The following MAPK8 variants were observed in gnomAD, a reference collection of about 807,000 sequenced individuals.
The protein encoded by MAPK8 is JUN N-terminal kinase.
A neutral mutation model predicts 52.9 loss-of-function variants in MAPK8; 13 were observed. The observed-to-expected ratio is 0.25, with a 90% CI of 0.16 to 0.39. The LOEUF (loss-of-function observed/expected upper bound fraction) is 0.39. Among genes scored for constraint, MAPK8 ranks in the 10% least tolerant of loss-of-function variants. MAPK8 has a pLI of 1.00. For missense variants in MAPK8, 300 were observed against 519.2 expected (o/e 0.58, Z 4.10); for synonymous variants, 191 against 169.8 (o/e 1.12, Z -0.97).
intron 1 of MAPK8, among the ~76,000 whole-genome samples, chr10:48,341,905 T>G (rs1414337074): frequency 6.6e-6 from 1 of 152,150 alleles, no homozygotes; most frequent in Non-Finnish European, 1.5e-5. Flanking sequence ...AGTAGAACAT[T>G]TGCACAGCAA....
chr10:48,373,335 G>GT (rs767323662), intron 1 of MAPK8, among the ~76,000 whole-genome samples: 4 of 151,720 alleles, frequency 2.6e-5, no homozygotes, highest in Non-Finnish European at 5.9e-5. Flanking sequence ...CAACTAATGG[G>GT]CAAAATAACC....
chr10:48,343,331 G>A (rs1473921483), intron 1 of MAPK8, among the ~76,000 whole-genome samples: 1 of 152,038 alleles, frequency 6.6e-6, no homozygotes, highest in Non-Finnish European at 1.5e-5. Flanking sequence ...CTGCCTACAC[G>A]GTCAGATTGC....
chr10:48,380,994 A>C (rs1169380693), intron 1 of MAPK8, among the ~76,000 whole-genome samples: 1 of 152,180 alleles, frequency 6.6e-6, no homozygotes, highest in African/African-American at 2.4e-5. Context: ...TAAAGGCAGC[A>C]TGAGCTCAAG....
At chr10:48,432,463 G>A (rs1351890098) in intron 11 of MAPK8, among the ~76,000 whole-genome samples, 3 of 151,288 alleles carry the variant, frequency 2.0e-5, no homozygotes, top group Admixed American at 2.0e-4. Context: ...GGTTTTGACC[G>A]CTTTTACCTA....
rs566237870 is a variant in MAPK8, at chr10:48,401,871, A to G, written c.122+89A>G. 3 of 1,106,508 alleles carry G rather than the reference A, an allele frequency of 2.7e-6. No individual in the cohort carries two copies. In the South Asian group the frequency reaches 8.3e-5, roughly 30 times the overall value. 68.5% of individuals were successfully genotyped at this position (1,106,508 alleles called of 1,614,324 possible). On this transcript the variant is annotated intron_variant, in intron 2 of 11. Coordinates refer to ENST00000374189, the MANE Select transcript of MAPK8 (RefSeq NM_001323329.2). ...ATTTAGATACCTTGGCAAATATTTA[A>G]CTTGCTTTGAAAAATTAAATTAAAA...
rs1464337466 is a variant in MAPK8 at position 48,315,897 on chromosome 10, C to T, written c.-50+9076C>T. Among the ~76,000 whole-genome samples the T allele has an allele frequency of 1.2e-4, 18 of 151,700 alleles. 1 individual carries two copies. The highest frequency in any genetic ancestry group is 1.2e-3 in the Admixed American group (18 of 15,236). On this transcript the variant is annotated intron_variant, in intron 1 of 11. Transcript: ENST00000374189. ...GGTGATTTTAGAAGATTATAGTTTTCCTCCATTATATGTAAAATGAGCCAA... is the reference window on the plus strand; with the variant it reads ...GGTGATTTTAGAAGATTATAGTTTTTCTCCATTATATGTAAAATGAGCCAA...
At chr10:48,372,511 C>T (rs112969755) in intron 1 of MAPK8, among the ~76,000 whole-genome samples, 35 of 151,878 alleles carry the variant, frequency 2.3e-4, no homozygotes, top group Admixed American at 8.5e-4. Context: ...TAGAATAACC[C>T]GCTTAGAGAA....
In MAPK8 at chr10:48,332,207, A is replaced by G. The variant is rs73293188; in HGVS notation, c.-50+25386A>G. Among the ~76,000 whole-genome samples the G allele has an allele frequency of 3.0e-3, 456 of 152,336 alleles. 4 individuals are homozygous for G. Among genetic ancestry groups the G allele is most frequent in the African/African-American group, 0.011 (444 of 41,576 alleles). On this transcript the variant is annotated intron_variant, in intron 1 of 11. Coordinates refer to ENST00000374189, the MANE Select transcript of MAPK8 (RefSeq NM_001323329.2). ...AGGTGACCTACGATCACCAGTAAAT[A>G]TATCAGTCTTCCTCCTTTGGGCATT... is the stretch of plus-strand genomic sequence containing the variant.
intron 1 of MAPK8, among the ~76,000 whole-genome samples, chr10:48,311,654 C>T (rs1407180012): frequency 6.6e-6 from 1 of 152,190 alleles, no homozygotes; most frequent in Non-Finnish European, 1.5e-5. Flanking sequence ...GTGAAGATTG[C>T]AGATTTGTCA....
chr10:48,418,350 A>G (rs1044833854), intron 5 of MAPK8, among the ~76,000 whole-genome samples: 2 of 152,212 alleles, frequency 1.3e-5, no homozygotes, highest in Non-Finnish European at 2.9e-5. Context: ...GCTGTACTGA[A>G]TAACAGATAA....
rs76580763 is a variant in MAPK8, at chr10:48,356,318, G to A, written c.-49-45294G>A. 8.9e-4 allele frequency among the ~76,000 whole-genome samples: 135 copies of A among 152,258 alleles called. 3 individuals are homozygous for A. The East Asian group carries it at 0.021, about 23-fold the overall frequency. On this transcript the variant is annotated intron_variant, in intron 1 of 11. Transcript: ENST00000374189. The stretch of plus-strand genomic sequence containing the variant: ...TTCAGAGTCTAAAGTTAATCAGTAT[G>A]TGTGTCATAATAGCAGATAGAAGAA...
intron 5 of MAPK8, among the ~76,000 whole-genome samples, chr10:48,413,529 T>C (rs1165951632): frequency 6.6e-6 from 1 of 152,048 alleles, no homozygotes; most frequent in Non-Finnish European, 1.5e-5. Flanking sequence ...GGTTCTGAGT[T>C]CACTTGATTG....
intron 8 of MAPK8, 28 bp from the exon 9 acceptor site, chr10:48,426,352 A>G (rs1369470042): frequency 5.7e-6 from 9 of 1,567,210 alleles, no homozygotes; most frequent in Non-Finnish European, 7.7e-6. Context: ...TTACAAATAT[A>G]TGTACATTAA....
At chr10:48,404,159 G>A (rs910547025) in intron 2 of MAPK8, among the ~76,000 whole-genome samples, 9 of 150,618 alleles carry the variant, frequency 6.0e-5, no homozygotes, top group Non-Finnish European at 1.3e-4. Flanking sequence ...AATCTTTTGA[G>A]TAGAATTTAT....
intron 1 of MAPK8, among the ~76,000 whole-genome samples, chr10:48,321,253 A>G (rs1474783145): frequency 6.6e-6 from 1 of 151,784 alleles, no homozygotes; most frequent in African/African-American, 2.4e-5. Context: ...GTGCCCTGCT[A>G]ATTTTTAAAA....
At chr10:48,391,719 C>T (rs1042192746) in intron 1 of MAPK8, among the ~76,000 whole-genome samples, 6 of 152,096 alleles carry the variant, frequency 3.9e-5, no homozygotes, top group African/African-American at 1.2e-4. Flanking sequence ...TCTCACAAGT[C>T]GAGGGCCCAG....
Position 48,370,709 on chromosome 10 carries a change from A to G in MAPK8, c.-49-30903A>G, listed in dbSNP as rs142427826. 1.6e-4 allele frequency among the ~76,000 whole-genome samples: 24 copies of G among 152,224 alleles called. No individual in the cohort carries two copies. In the East Asian group the frequency reaches 3.3e-3, roughly 21 times the overall value. Reference sequence around the variant, plus strand: ...TTGCTGGAAGAATGGTATTGCTGATAAAAGAAGTAAACATGGAAGGAAGAG... The same window carrying G: ...TTGCTGGAAGAATGGTATTGCTGATGAAAGAAGTAAACATGGAAGGAAGAG... On this transcript the variant is annotated intron_variant, in intron 1 of 11. Coordinates refer to ENST00000374189, the MANE Select transcript of MAPK8 (RefSeq NM_001323329.2).
At chr10:48,337,656 C>T (rs941258448) in intron 1 of MAPK8, among the ~76,000 whole-genome samples, 6 of 151,906 alleles carry the variant, frequency 3.9e-5, no homozygotes, top group Admixed American at 6.6e-5. Flanking sequence ...ATCAACAAAA[C>T]GGAAAGTTCT....
At chr10:48,426,569 T>G in intron 9 of MAPK8, 65 bp downstream of exon 9, 1 of 1,460,670 alleles carries the variant, frequency 6.8e-7, no homozygotes, top group Non-Finnish European at 9.3e-7. Flanking sequence ...ACAGTTAGGT[T>G]TGGAGGAGAC....
Sources: gnomAD v4.1 joint callset for allele counts (sites outside exome capture counted in the v4.1 genomes callset) on GRCh38, gnomAD v4.1.1 for gene constraint, MANE v1.5 for transcripts, NCBI Gene and HGNC (gene_info 2026-07-23, HGNC 2026-07-21) for gene names.